Variants in SPTLC3 observed in about 807,000 individuals in gnomAD.
SPTLC3 encodes serine palmitoyltransferase 3.
SPTLC3 carries 36 observed loss-of-function variants against 59.3 expected under a neutral mutation model. The ratio of observed to expected loss-of-function variants is 0.61; its 90% CI spans 0.47 to 0.80. SPTLC3 has a LOEUF of 0.80. Among genes scored for constraint, SPTLC3 ranks in the 30% least tolerant of loss-of-function variants. SPTLC3 has a pLI of 0.00. For missense variants in SPTLC3, 625 were observed against 685.1 expected, an observed-to-expected ratio of 0.91 and a Z score of 0.98; for synonymous variants, 257 against 240.8, an observed-to-expected ratio of 1.07 and a Z score of -0.62.
At chr20:13,103,939 C>T (rs1362378865) in intron 6 of SPTLC3, among the ~76,000 whole-genome samples, 1 of 152,212 alleles carries the variant, frequency 6.6e-6, no homozygotes, top group Non-Finnish European at 1.5e-5. Flanking sequence ...TCCCTTGCTG[C>T]CTTGTGCTTT....
chr20:13,076,056 A>G (rs1988635555), intron 4 of SPTLC3, among the ~76,000 whole-genome samples: 1 of 152,164 alleles, frequency 6.6e-6, no homozygotes, highest in African/African-American at 2.4e-5. Flanking sequence ...CCAGTTTTTA[A>G]TATTTCTCCA....
chr20:13,110,149 C>T lies in SPTLC3; in HGVS notation c.864C>T (p.Val288=), dbSNP rs1990143648. 5.6e-6 allele frequency: 9 copies of T among 1,613,476 alleles called. No homozygotes were observed. The highest frequency in any genetic ancestry group is 1.1e-5 in the South Asian group (1 of 91,042). The change falls in exon 7 of 12, where the codon GTC becomes GTT. Residue 288 remains valine, a synonymous_variant. Transcript: ENST00000399002. ...QSLEKLLRDA[V]IYGQPRTRRA... ...TAGAGAAGCTCCTGAGAGATGCTGT[C>T]ATCTATGGCCAGCCTCGAACCCGCA...
chr20:13,119,763 TA>T (rs1990798441), intron 8 of SPTLC3, among the ~76,000 whole-genome samples: 1 of 152,214 alleles, frequency 6.6e-6, no homozygotes, highest in South Asian at 2.1e-4. Flanking sequence ...AGATCTGCCC[TA>T]AAACAGCAAG....
intron 9 of SPTLC3, among the ~76,000 whole-genome samples, chr20:13,128,667 G>C (rs11906407): frequency 2.0e-5 from 3 of 151,886 alleles, no homozygotes; most frequent in Admixed American, 2.0e-4. Flanking sequence ...ATTTTGGAGG[G>C]GGAGGAGGTT....
chr20:13,091,602 T>A (rs1267827068), intron 5 of SPTLC3, among the ~76,000 whole-genome samples: 1 of 150,970 alleles, frequency 6.6e-6, no homozygotes, highest in Non-Finnish European at 1.5e-5. Context: ...AGAAGAAGTA[T>A]GGCTGAGAAG....
At chr20:13,102,191 G>T (rs2122655342) in intron 6 of SPTLC3, among the ~76,000 whole-genome samples, 1 of 152,254 alleles carries the variant, frequency 6.6e-6, no homozygotes, top group Non-Finnish European at 1.5e-5. Flanking sequence ...AGACTACTTT[G>T]CAAGCCATGA....
chr20:13,085,179 G>A (rs371234768), intron 4 of SPTLC3, among the ~76,000 whole-genome samples: 4 of 152,108 alleles, frequency 2.6e-5, no homozygotes, highest in African/African-American at 4.8e-5. Flanking sequence ...CTTCGTAACT[G>A]TATGACCTAG....
Position 13,117,581 on chromosome 20 carries a change from T to A in SPTLC3, c.1008T>A (p.Asp336Glu). 6.2e-7 allele frequency: 1 copy of A among 1,613,930 alleles called. No individual in the cohort carries two copies. The highest frequency in any genetic ancestry group is 1.1e-5 in the South Asian group (1 of 91,060). Residue 336 changes from aspartate (D) to glutamate (E), a missense_variant, in exon 8 of 12, where the codon GAT becomes GAA. By Grantham distance (45) the Asp-to-Glu change is conservative (BLOSUM62 2). Transcript: ENST00000399002. ...KKKYKAYLYI[D>E]EAHSIGAVGP... The stretch of plus-strand genomic sequence containing the variant: ...AATACAAGGCTTACCTCTACATAGA[T>A]GAAGCTCACAGTATTGGGGCCGTGG...
rs998044689 is a variant in SPTLC3 at position 13,136,363 on chromosome 20, A to G, written c.1279+9646A>G. ...TGTAATTCCAGCACTTTGCGAGGCC[A>G]AGGCAGGTGGATCACCCGAGCTCAG... On this transcript the variant is annotated intron_variant, in intron 9 of 11. Coordinates refer to ENST00000399002, the MANE Select transcript of SPTLC3 (RefSeq NM_018327.4). 5.3e-5 allele frequency among the ~76,000 whole-genome samples: 8 copies of G among 152,192 alleles called. 1 individual carries two copies. The Middle Eastern group carries it at 0.02, about 388-fold the overall frequency.
intron 6 of SPTLC3, among the ~76,000 whole-genome samples, chr20:13,101,419 G>GA (rs1478262104): frequency 3.3e-5 from 5 of 152,160 alleles, no homozygotes; most frequent in African/African-American, 1.2e-4. Flanking sequence ...ATGGCTAATG[G>GA]AGCCCTATCC....
At chr20:13,016,088 A>G (rs1047282994) in intron 1 of SPTLC3, among the ~76,000 whole-genome samples, 1 of 152,108 alleles carries the variant, frequency 6.6e-6, no homozygotes, top group African/African-American at 2.4e-5. Context: ...ATGAATACAA[A>G]AAGAGGCCAA....
At position 13,124,579 on chromosome 20, in the gene SPTLC3, G is replaced by C. The variant is rs77137209; in HGVS notation, c.1153-2012G>C. Among the ~76,000 whole-genome samples the C allele has an allele frequency of 7.7e-3, 1,177 of 152,176 alleles. 14 individuals are homozygous for C. Among genetic ancestry groups the C allele is most frequent in the African/African-American group, 0.027 (1,110 of 41,508 alleles). ...TCATAGAAGAAGGACGGGTGAAAGGGGGGGATTCAGAATGAAAGACATATT... is the reference window on the plus strand; with the variant it reads ...TCATAGAAGAAGGACGGGTGAAAGGCGGGGATTCAGAATGAAAGACATATT... On this transcript the variant is annotated intron_variant, in intron 8 of 11. Coordinates refer to ENST00000399002, the MANE Select transcript of SPTLC3 (RefSeq NM_018327.4).
At chr20:13,058,381 A>G (rs891661) in intron 2 of SPTLC3, among the ~76,000 whole-genome samples, 33,033 of 145,248 alleles carry the variant, frequency 0.23, 3,741 homozygotes, top group African/African-American at 0.34. Flanking sequence ...TCCGAACCCA[A>G]AGTTTCATTG....
intron 9 of SPTLC3, among the ~76,000 whole-genome samples, chr20:13,135,047 G>T (rs1568620903): frequency 6.6e-6 from 1 of 152,188 alleles, no homozygotes; most frequent in Non-Finnish European, 1.5e-5. Flanking sequence ...AGTATGTAAA[G>T]TCATTAAGAG....
chr20:13,073,906 G>T, intron 3 of SPTLC3: 1 of 559,474 alleles, frequency 1.8e-6, no homozygotes, highest in South Asian at 1.5e-5. Context: ...TTGGTTCCCA[G>T]AGATGCATTC....
At chr20:13,027,637 GCA>G (rs373867893) in intron 1 of SPTLC3, among the ~76,000 whole-genome samples, 5,138 of 71,492 alleles carry the variant, frequency 0.072, 301 homozygotes, top group African/African-American at 0.2. Context: ...ATCTATTTCA[GCA>G]CGCACACACA....
At position 13,100,176 on chromosome 20, in the gene SPTLC3, G is replaced by GA. The variant is rs575546277; in HGVS notation, c.826+6605dup. Among the ~76,000 whole-genome samples, 240 of 152,094 alleles carry GA rather than the reference G, an allele frequency of 1.6e-3. 1 individual carries two copies. Among genetic ancestry groups the GA allele is most frequent in the Non-Finnish European group, 2.7e-3 (184 of 67,978 alleles). On this transcript the variant is annotated intron_variant, in intron 6 of 11. Coordinates refer to ENST00000399002, the MANE Select transcript of SPTLC3 (RefSeq NM_018327.4). The stretch of plus-strand genomic sequence containing the variant: ...CCTTGGATTTTTTAATTCTCTGTAG[G>GA]AAAAAATACCTAAGATATACTTAAA...
chr20:13,022,857 C>T (rs1985958431), intron 1 of SPTLC3, among the ~76,000 whole-genome samples: 1 of 152,144 alleles, frequency 6.6e-6, no homozygotes, highest in South Asian at 2.1e-4. Flanking sequence ...TGCCCAAATC[C>T]TTCCCATGGC....
At chr20:13,130,640 G>A (rs2038099926) in intron 9 of SPTLC3, among the ~76,000 whole-genome samples, 1 of 152,232 alleles carries the variant, frequency 6.6e-6, no homozygotes, top group South Asian at 2.1e-4. Flanking sequence ...AGGCTGAGGG[G>A]CTGCAGGCCG....
Sources: allele counts gnomAD v4.1 joint callset (sites outside exome capture counted in the v4.1 genomes callset), GRCh38; gene constraint gnomAD v4.1.1; transcripts MANE v1.5; gene names NCBI Gene and HGNC (gene_info 2026-07-23, HGNC 2026-07-21).